The following POU2F3 variants were observed in gnomAD, a reference collection of about 807,000 sequenced individuals.
POU2F3 encodes the protein POU class 2 homeobox 3.
POU2F3 carries 23 observed loss-of-function variants against 59.2 expected under a neutral mutation model. The observed-to-expected ratio is 0.39, with a 90% CI of 0.28 to 0.55. The LOEUF is 0.55. Ranked by LOEUF, POU2F3 falls within the 20% of genes least tolerant of loss-of-function variation. The pLI is 0.66. For missense variants in POU2F3, 473 were observed against 544.5 expected (o/e 0.87, Z 1.31); for synonymous variants, 190 against 214.6 (o/e 0.89, Z 1.00).
chr11:120,317,201 C>G (rs1029053502), intron 11 of POU2F3, 28 bp from the exon 12 acceptor site: 3 of 1,612,966 alleles, frequency 1.9e-6, no homozygotes, highest in African/African-American at 1.3e-5. Context: ...ATTATTTCCC[C>G]CTTGTTTTTG....
chr11:120,265,649 C>G lies in POU2F3; in HGVS notation c.98-3561C>G, dbSNP rs767384282. On this transcript the variant is annotated intron_variant, in intron 2 of 12. Coordinates refer to ENST00000543440, the MANE Select transcript of POU2F3 (RefSeq NM_014352.4). ...TTAATCTCTGAATTGTGCTTACACACCTTTTTCATGTTATGGGTCTCACTA... is the reference window on the plus strand; with the variant it reads ...TTAATCTCTGAATTGTGCTTACACAGCTTTTTCATGTTATGGGTCTCACTA... Among the ~76,000 whole-genome samples the G allele has an allele frequency of 2.7e-4, 41 of 152,218 alleles. 1 individual carries two copies. Among genetic ancestry groups the G allele is most frequent in the Admixed American group, 6.5e-5 (1 of 15,282 alleles).
At chr11:120,269,746 C>T (rs773139825) in intron 3 of POU2F3, among the ~76,000 whole-genome samples, 6 of 152,114 alleles carry the variant, frequency 3.9e-5, no homozygotes, top group South Asian at 2.1e-4. Flanking sequence ...TGTAGACATG[C>T]GCCTGGTGCT....
At chr11:120,268,170 G>A (rs554957569) in intron 2 of POU2F3, among the ~76,000 whole-genome samples, 1 of 151,968 alleles carries the variant, frequency 6.6e-6, no homozygotes, top group South Asian at 2.1e-4. Flanking sequence ...TGGAAAAAGT[G>A]GGATAGAAGT....
Position 120,319,152 on chromosome 11 carries a change from T to C in POU2F3, c.*760T>C, listed in dbSNP as rs1941858584. ...TTCCCTTCCTCCCTGTGTTTCTCTT[T>C]ATCCTGTCCCCTCTCCTTTCTCCTG... On this transcript the variant is annotated 3_prime_UTR_variant, in exon 13 of 13. Coordinates refer to ENST00000543440, the MANE Select transcript of POU2F3 (RefSeq NM_014352.4). 1 of 152,666 alleles carries C rather than the reference T, an allele frequency of 6.6e-6. No individual in the cohort carries two copies. 9.5% of individuals were successfully genotyped at this position (152,666 alleles called of 1,614,324 possible).
intron 3 of POU2F3, among the ~76,000 whole-genome samples, chr11:120,290,626 A>T (rs1284593821): frequency 6.6e-6 from 1 of 152,246 alleles, no homozygotes; most frequent in Non-Finnish European, 1.5e-5. Context: ...TGGTTCCCGT[A>T]TCTGTTAAAA....
chr11:120,260,098 C>G (rs1264815827), intron 2 of POU2F3, among the ~76,000 whole-genome samples: 1 of 152,222 alleles, frequency 6.6e-6, no homozygotes, highest in South Asian at 2.1e-4. Flanking sequence ...GAGAAGAGAA[C>G]CAGAGATGGG....
chr11:120,311,578 C>T (rs1418271280), intron 10 of POU2F3, among the ~76,000 whole-genome samples: 1 of 152,134 alleles, frequency 6.6e-6, no homozygotes, highest in East Asian at 1.9e-4. Context: ...ACAAGAAAAG[C>T]AGGAGGAGAT....
chr11:120,275,074 G>A (rs1940264617), intron 3 of POU2F3, among the ~76,000 whole-genome samples: 1 of 152,200 alleles, frequency 6.6e-6, no homozygotes, highest in African/African-American at 2.4e-5. Context: ...CTGCCACTGA[G>A]GGGTGAGTAG....
At chr11:120,311,151 G>A (rs968043297) in intron 10 of POU2F3, among the ~76,000 whole-genome samples, 30 of 152,294 alleles carry the variant, frequency 2.0e-4, no homozygotes, top group African/African-American at 7.0e-4. Flanking sequence ...TGAAAGATGA[G>A]GCTGGACAGA....
rs568711590 is a variant in POU2F3 at position 120,304,789 on chromosome 11, T to G, written c.445-241T>G. 9.2e-5 allele frequency among the ~76,000 whole-genome samples: 14 copies of G among 152,122 alleles called. No individual in the cohort carries two copies. In the South Asian group the frequency reaches 2.5e-3, roughly 27 times the overall value. On this transcript the variant is annotated intron_variant, in intron 6 of 12. Transcript: ENST00000543440. Reference sequence around the variant, plus strand: ...CTAAACTCAGGCCACCTCCCTATCCTGCACTCCTGATGTTTCTACCCAGAT... The same window carrying G: ...CTAAACTCAGGCCACCTCCCTATCCGGCACTCCTGATGTTTCTACCCAGAT...
intron 10 of POU2F3, among the ~76,000 whole-genome samples, chr11:120,309,800 A>T (rs1282089372): frequency 6.6e-6 from 1 of 152,230 alleles, no homozygotes; most frequent in Non-Finnish European, 1.5e-5. Flanking sequence ...CTCCCTGAAA[A>T]GGGTGTGTGA....
At chr11:120,264,769 CT>C (rs1324681841) in intron 2 of POU2F3, among the ~76,000 whole-genome samples, 1 of 152,182 alleles carries the variant, frequency 6.6e-6, no homozygotes, top group African/African-American at 2.4e-5. Context: ...GGAGCTCAGG[CT>C]CGAACCTCAG....
chr11:120,298,419 G>A (rs557887040), intron 4 of POU2F3, 29 bp downstream of exon 4: 2 of 1,612,810 alleles, frequency 1.2e-6, no homozygotes, highest in African/African-American at 2.7e-5. Context: ...CAGTGGGCCA[G>A]TGTGTTTAAC....
rs1056168528 is a variant in POU2F3 at position 120,259,987 on chromosome 11, C to T, written c.98-9223C>T. On this transcript the variant is annotated intron_variant, in intron 2 of 12. Transcript: ENST00000543440. ...GGTGGCTGGCTGCTGAGGAGCGCTTCCAAGGTCCCAGTAGCTTAATGGTTG... is the reference window on the plus strand; with the variant it reads ...GGTGGCTGGCTGCTGAGGAGCGCTTTCAAGGTCCCAGTAGCTTAATGGTTG... 2.6e-5 allele frequency among the ~76,000 whole-genome samples: 4 copies of T among 152,334 alleles called. No individual in the cohort carries two copies. The East Asian group carries it at 7.7e-4, about 29-fold the overall frequency.
At chr11:120,298,482 C>T in intron 4 of POU2F3, 92 bp downstream of exon 4, 3 of 1,533,910 alleles carry the variant, frequency 2.0e-6, no homozygotes, top group South Asian at 2.4e-5. Flanking sequence ...GTCTAAAGAA[C>T]CCCCTGCAGG....
intron 1 of POU2F3, among the ~76,000 whole-genome samples, chr11:120,242,938 A>G (rs1938724598): frequency 6.6e-6 from 1 of 152,072 alleles, no homozygotes; most frequent in Non-Finnish European, 1.5e-5. Flanking sequence ...AAAGGAAAAC[A>G]GTGGGAAGCC....
intron 4 of POU2F3, among the ~76,000 whole-genome samples, chr11:120,299,345 AGACAGGACT>A (rs779033947): frequency 6.6e-6 from 1 of 152,220 alleles, no homozygotes; most frequent in Non-Finnish European, 1.5e-5. Context: ...TCTAGTTGGG[AGACAGGACT>A]GACACATACA....
At chr11:120,241,144 C>G (rs2253006) in intron 1 of POU2F3, among the ~76,000 whole-genome samples, 137,386 of 152,292 alleles carry the variant, frequency 0.9, 62,165 homozygotes, top group Middle Eastern at 0.97. Flanking sequence ...TTGGGGCTTC[C>G]TGTTAGGGTG....
At chr11:120,286,424 T>C (rs145831223) in intron 3 of POU2F3, among the ~76,000 whole-genome samples, 69 of 152,338 alleles carry the variant, frequency 4.5e-4, no homozygotes, top group Non-Finnish European at 8.8e-4. Flanking sequence ...ACGGTGTAAC[T>C]ATTTGTTCAT....
Sources: gnomAD v4.1 joint callset for allele counts (sites outside exome capture counted in the v4.1 genomes callset) on GRCh38, gnomAD v4.1.1 for gene constraint, MANE v1.5 for transcripts, NCBI Gene and HGNC (gene_info 2026-07-23, HGNC 2026-07-21) for gene names.